SLC45A4: variants seen among roughly 807,000 people sequenced by gnomAD.
SLC45A4 encodes solute carrier family 45 member 4.
A neutral mutation model predicts 63.7 loss-of-function variants in SLC45A4; 32 were observed. That is an observed-to-expected ratio of 0.50 (90% CI 0.38 to 0.67). SLC45A4 has a LOEUF of 0.67. SLC45A4 is among the 30% of genes least tolerant of loss of function. SLC45A4 has a pLI of 0.00. For missense variants in SLC45A4, 1,027 were observed against 1,157.7 expected (o/e 0.89, Z 1.64); for synonymous variants, 535 against 510.0 (o/e 1.05, Z -0.66).
chr8:141,284,380 C>T (rs901248011), intron 1 of SLC45A4, among the ~76,000 whole-genome samples: 15 of 152,218 alleles, frequency 9.9e-5, no homozygotes, highest in Admixed American at 9.2e-4. Context: ...GGTCTCTCCT[C>T]GCACCAGCTC....
At chr8:141,220,202 A>G (rs1826518529) in intron 3 of SLC45A4, among the ~76,000 whole-genome samples, 1 of 152,208 alleles carries the variant, frequency 6.6e-6, no homozygotes, top group African/African-American at 2.4e-5. Context: ...CGCACATGGT[A>G]GTGCAGACGC....
At chr8:141,302,085 G>A (rs977552089) in intron 1 of SLC45A4, among the ~76,000 whole-genome samples, 8 of 152,114 alleles carry the variant, frequency 5.3e-5, no homozygotes, top group Admixed American at 3.9e-4. Flanking sequence ...TTAAAAGGGT[G>A]ACTGATGGTA....
intron 1 of SLC45A4, among the ~76,000 whole-genome samples, chr8:141,294,744 A>G (rs534713847): frequency 6.6e-6 from 1 of 152,326 alleles, no homozygotes; most frequent in African/African-American, 2.4e-5. Flanking sequence ...AAGAGAGGGG[A>G]GCGGCGGTGC....
rs1289278858 is a variant in SLC45A4, at chr8:141,208,090, G to A, written c.*3482C>T. ...GCAGTCCCTCACACGCTGTGTGGTGGCTAAAGCTGGACCAAAGTTAAGAAG... is the reference window on the plus strand; with the variant it reads ...GCAGTCCCTCACACGCTGTGTGGTGACTAAAGCTGGACCAAAGTTAAGAAG... On this transcript the variant is annotated 3_prime_UTR_variant, in exon 9 of 9. Coordinates refer to ENST00000517878, the MANE Select transcript of SLC45A4 (RefSeq NM_001286646.2). 2 of 152,280 alleles carry A rather than the reference G, an allele frequency of 1.3e-5. No homozygotes were observed. The highest frequency in any genetic ancestry group is 4.8e-5 in the African/African-American group (2 of 41,472). 9.4% of individuals were successfully genotyped at this position (152,280 alleles called of 1,614,324 possible).
Position 141,210,235 on chromosome 8 carries a change from G to T in SLC45A4, c.*1337C>A, listed in dbSNP as rs957182306. On this transcript the variant is annotated 3_prime_UTR_variant, in exon 9 of 9. Coordinates refer to ENST00000517878, the MANE Select transcript of SLC45A4 (RefSeq NM_001286646.2). The stretch of plus-strand genomic sequence containing the variant: ...ATAGAGTGAGCTGCCACGGACGCCC[G>T]GCCGAGGTGAGGAAGCCAGGGGTGC... 2 of 152,348 alleles carry T rather than the reference G, an allele frequency of 1.3e-5. No individual in the cohort carries two copies. The highest frequency in any genetic ancestry group is 2.9e-5 in the Non-Finnish European group (2 of 68,130). The allele number at this position is 152,348 out of a possible 1,614,324, so 9.4% of individuals were successfully genotyped here.
At chr8:141,285,132 A>G (rs73366494) in intron 1 of SLC45A4, among the ~76,000 whole-genome samples, 9,928 of 152,232 alleles carry the variant, frequency 0.065, 660 homozygotes, top group African/African-American at 0.17. Context: ...GCCCAGCGGG[A>G]TCCAGCACGG....
At chr8:141,281,803 C>A (rs1829957769) in intron 1 of SLC45A4, among the ~76,000 whole-genome samples, 1 of 152,128 alleles carries the variant, frequency 6.6e-6, no homozygotes, top group South Asian at 2.1e-4. Flanking sequence ...GGATTTTTAC[C>A]CAGTTGTCAC....
At chr8:141,228,440 C>A (rs1589785330) in intron 2 of SLC45A4, 1 of 1,406,768 alleles carries the variant, frequency 7.1e-7, no homozygotes, top group East Asian at 2.6e-5. Context: ...TCCGCAGCTG[C>A]TGTCCTGTCT....
At chr8:141,299,445 G>C (rs889468305) in intron 1 of SLC45A4, among the ~76,000 whole-genome samples, 5 of 152,230 alleles carry the variant, frequency 3.3e-5, no homozygotes, top group Admixed American at 6.5e-5. Flanking sequence ...CAGGCTGCAA[G>C]TCCATAACAA....
chr8:141,287,951 G>A (rs556267877), intron 1 of SLC45A4, among the ~76,000 whole-genome samples: 1 of 152,324 alleles, frequency 6.6e-6, no homozygotes, highest in East Asian at 1.9e-4. Context: ...CACCGAGGGG[G>A]ACTAGACGGC....
At position 141,227,673 on chromosome 8, in the gene SLC45A4, G is replaced by A. The variant is rs564890938; in HGVS notation, c.242-5908C>T. On this transcript the variant is annotated intron_variant, in intron 2 of 8. Transcript: ENST00000517878. The surrounding 1 kb of genome is among the most constrained non-coding windows in gnomAD (Gnocchi z 4.4). ...GAAGGGCCACTGGCACTGGGCCCCC[G>A]GCACTGAGGCTCTGTGCTGGCGAGG... Among the ~76,000 whole-genome samples, 44 of 152,306 alleles carry A rather than the reference G, an allele frequency of 2.9e-4. No individual in the cohort carries two copies. Among genetic ancestry groups the A allele is most frequent in the Middle Eastern group, 3.4e-3 (1 of 294 alleles).
At chr8:141,268,284 A>C (rs1034189230) in intron 1 of SLC45A4, among the ~76,000 whole-genome samples, 4 of 152,200 alleles carry the variant, frequency 2.6e-5, no homozygotes, top group East Asian at 1.9e-4. Flanking sequence ...ACAGTAAAAG[A>C]AGCAGCGGTG....
chr8:141,218,761 C>T lies in SLC45A4; in HGVS notation c.879G>A (p.Leu293=). The change falls in exon 5 of 9, where the codon CTG becomes CTA. Residue 293 remains leucine, a synonymous_variant. Transcript: ENST00000517878. ...FPDEVQSEHE[L]ALDYPDVDIM... Reference sequence around the variant, plus strand: ...TGTCCACGTCCGGGTAGTCCAGGGCCAGCTCGTGCTCCGACTGTACCTCGT... The same window carrying T: ...TGTCCACGTCCGGGTAGTCCAGGGCTAGCTCGTGCTCCGACTGTACCTCGT... 2 of 1,613,300 alleles carry T rather than the reference C, an allele frequency of 1.2e-6. No homozygotes were observed. Among genetic ancestry groups the T allele is most frequent in the South Asian group, 2.2e-5 (2 of 91,080 alleles).
intron 1 of SLC45A4, among the ~76,000 whole-genome samples, chr8:141,276,305 T>C (rs764444394): frequency 1.3e-5 from 2 of 152,226 alleles, no homozygotes; most frequent in Non-Finnish European, 2.9e-5. Flanking sequence ...TGATATGACA[T>C]TCAGGAGTGT....
At chr8:141,284,454 C>T (rs187692767) in intron 1 of SLC45A4, among the ~76,000 whole-genome samples, 27 of 152,290 alleles carry the variant, frequency 1.8e-4, no homozygotes, top group African/African-American at 5.5e-4. Context: ...GCGGGGCTGG[C>T]GAGGACGTCT....
intron 1 of SLC45A4, among the ~76,000 whole-genome samples, chr8:141,265,271 C>T (rs948731555): frequency 5.9e-5 from 9 of 152,230 alleles, no homozygotes; most frequent in Admixed American, 4.6e-4. Flanking sequence ...ATTTCCTGAA[C>T]ACGAAGACTC....
At chr8:141,277,162 C>T (rs1476585819) in intron 1 of SLC45A4, among the ~76,000 whole-genome samples, 2 of 152,238 alleles carry the variant, frequency 1.3e-5, no homozygotes, top group South Asian at 2.1e-4. Context: ...AAGCCACACA[C>T]GCCGGCCACA....
chr8:141,216,685 A>G (rs1330688127), intron 6 of SLC45A4, among the ~76,000 whole-genome samples: 16 of 151,448 alleles, frequency 1.1e-4, no homozygotes, highest in Non-Finnish European at 2.4e-4. Context: ...TGCAGGACGG[A>G]AGCCTGTCAC....
intron 1 of SLC45A4, among the ~76,000 whole-genome samples, chr8:141,269,464 CTG>C (rs10573168): frequency 0.02 from 2,954 of 146,796 alleles, 61 homozygotes; most frequent in African/African-American, 0.054. Flanking sequence ...GCCTATGTGT[CTG>C]TGTGTGTGTG....
Sources: gnomAD v4.1 joint callset for allele counts (sites outside exome capture counted in the v4.1 genomes callset) on GRCh38, gnomAD v4.1.1 for gene constraint, Gnocchi (gnomAD v3.1) non-coding constraint, MANE v1.5 for transcripts, NCBI Gene and HGNC (gene_info 2026-07-23, HGNC 2026-07-21) for gene names.